The following TMEM266 variants were observed in gnomAD, a reference collection of about 807,000 sequenced individuals.
TMEM266 encodes the protein transmembrane protein 266, also known as Hv1 related protein 1.
A neutral mutation model predicts 50.5 loss-of-function variants in TMEM266; 33 were observed. That is an observed-to-expected ratio of 0.65 (90% CI 0.50 to 0.87). The LOEUF (loss-of-function observed/expected upper bound fraction) is 0.87. Ranked by LOEUF, TMEM266 falls within the 40% of genes least tolerant of loss-of-function variation. The pLI, the probability that TMEM266 is intolerant of heterozygous loss-of-function variation, is 0.00. For synonymous variants in TMEM266, 310 were observed against 292.3 expected (o/e 1.06, Z -0.62); for missense variants, 655 against 695.1 (o/e 0.94, Z 0.65).
intron 9 of TMEM266, among the ~76,000 whole-genome samples, chr15:76,193,286 TAATAG>T (rs573789454): frequency 3.8e-4 from 58 of 152,218 alleles, no homozygotes; most frequent in African/African-American, 1.3e-3. Flanking sequence ...AGTGGTATCA[TAATAG>T]TTCACTGCCA....
chr15:76,152,505 C>T (rs895983361), intron 3 of TMEM266, among the ~76,000 whole-genome samples: 2 of 152,152 alleles, frequency 1.3e-5, no homozygotes, highest in African/African-American at 4.8e-5. Flanking sequence ...GTGAGCTATA[C>T]CCCCTGCTGA....
At chr15:76,194,502 AGTTT>A (rs1445709645) in intron 9 of TMEM266, among the ~76,000 whole-genome samples, 1 of 152,186 alleles carries the variant, frequency 6.6e-6, no homozygotes, top group East Asian at 1.9e-4. Context: ...CTGGTGGATT[AGTTT>A]GCTAGGACTA....
At chr15:76,114,647 C>T (rs1378767523) in intron 1 of TMEM266, among the ~76,000 whole-genome samples, 3 of 152,130 alleles carry the variant, frequency 2.0e-5, no homozygotes, top group African/African-American at 7.2e-5. Context: ...GACATCTTTC[C>T]TTGCCAATAT....
chr15:76,157,268 G>A (rs778675822), intron 4 of TMEM266, among the ~76,000 whole-genome samples: 6 of 152,210 alleles, frequency 3.9e-5, no homozygotes, highest in African/African-American at 1.4e-4. Flanking sequence ...GCATTTTTCC[G>A]CACATTTGAC....
intron 7 of TMEM266, among the ~76,000 whole-genome samples, chr15:76,171,918 C>G (rs2038194439): frequency 6.6e-6 from 1 of 152,292 alleles, no homozygotes; most frequent in Middle Eastern, 3.4e-3. Context: ...GTGCAGGATA[C>G]TGGGGGTGGG....
At chr15:76,111,749 C>T (rs1355348517) in intron 1 of TMEM266, among the ~76,000 whole-genome samples, 1 of 152,206 alleles carries the variant, frequency 6.6e-6, no homozygotes, top group Non-Finnish European at 1.5e-5. Flanking sequence ...ATACTCTTAC[C>T]ATATGAGCTA....
At chr15:76,075,813 T>C (rs890028499) in intron 1 of TMEM266, among the ~76,000 whole-genome samples, 2 of 140,944 alleles carry the variant, frequency 1.4e-5, no homozygotes, top group African/African-American at 2.6e-5. Context: ...CACCAAATTC[T>C]GGAGGAGAAT....
intron 1 of TMEM266, among the ~76,000 whole-genome samples, chr15:76,087,025 A>C (rs1414140014): frequency 6.6e-6 from 1 of 151,980 alleles, no homozygotes. Context: ...TAGTTCTAGG[A>C]AGTCAGCATG....
chr15:76,171,620 C>G (rs2038190246), intron 7 of TMEM266, among the ~76,000 whole-genome samples: 2 of 152,222 alleles, frequency 1.3e-5, no homozygotes, highest in Non-Finnish European at 2.9e-5. Context: ...GCCCACAAGC[C>G]CATTGACCTG....
intron 1 of TMEM266, among the ~76,000 whole-genome samples, chr15:76,098,145 G>C (rs111236952): frequency 1.5e-3 from 231 of 152,170 alleles, no homozygotes; most frequent in African/African-American, 5.5e-3. Context: ...TTCCCTTGCT[G>C]ACAAGGAGCT....
At chr15:76,070,891 C>T (rs1023684874) in intron 1 of TMEM266, among the ~76,000 whole-genome samples, 3 of 152,176 alleles carry the variant, frequency 2.0e-5, no homozygotes, top group African/African-American at 7.2e-5. Flanking sequence ...AATACTTACC[C>T]TCCCACTATT....
chr15:76,074,920 G>A (rs142824895), intron 1 of TMEM266, among the ~76,000 whole-genome samples: 43 of 152,102 alleles, frequency 2.8e-4, no homozygotes, highest in African/African-American at 9.4e-4. Flanking sequence ...GATTGGTTGT[G>A]GGGTGGGAGA....
intron 8 of TMEM266, among the ~76,000 whole-genome samples, chr15:76,182,085 G>A (rs986754622): frequency 2.6e-5 from 4 of 152,198 alleles, no homozygotes; most frequent in African/African-American, 9.7e-5. Context: ...GGACCTGTGA[G>A]CCCCTTAGGA....
At chr15:76,158,337 C>T (rs1389003117) in intron 4 of TMEM266, among the ~76,000 whole-genome samples, 1 of 152,160 alleles carries the variant, frequency 6.6e-6, no homozygotes, top group Non-Finnish European at 1.5e-5. Flanking sequence ...CATAAAGTGA[C>T]CGGTACTGGT....
chr15:76,110,347 C>T (rs2037152103), intron 1 of TMEM266, among the ~76,000 whole-genome samples: 1 of 152,214 alleles, frequency 6.6e-6, no homozygotes. Context: ...ACCCATGGCC[C>T]ATGGGCCACA....
chr15:76,138,908 G>C (rs931354331), intron 3 of TMEM266, among the ~76,000 whole-genome samples: 1 of 152,172 alleles, frequency 6.6e-6, no homozygotes, highest in African/African-American at 2.4e-5. Flanking sequence ...CCAGTTTGAT[G>C]TCCTTGATTT....
At chr15:76,090,351 G>C (rs963768349) in intron 1 of TMEM266, among the ~76,000 whole-genome samples, 17 of 151,950 alleles carry the variant, frequency 1.1e-4, no homozygotes, top group African/African-American at 3.9e-4. Context: ...AATTAGCCAG[G>C]CATGGTGGTG....
intron 8 of TMEM266, among the ~76,000 whole-genome samples, chr15:76,189,315 T>C (rs1403772496): frequency 7.6e-6 from 1 of 131,022 alleles, no homozygotes; most frequent in African/African-American, 3.3e-5. Flanking sequence ...GACAATCTTG[T>C]CTCAAAAAAA....
chr15:76,105,945 A>G (rs556687419), intron 1 of TMEM266, among the ~76,000 whole-genome samples: 1 of 152,340 alleles, frequency 6.6e-6, no homozygotes, highest in South Asian at 2.1e-4. Context: ...TTCATATGGA[A>G]ACATGAGCCT....
Sources: gnomAD v4.1 joint callset for allele counts (sites outside exome capture counted in the v4.1 genomes callset) on GRCh38, gnomAD v4.1.1 for gene constraint, MANE v1.5 for transcripts, NCBI Gene and HGNC (gene_info 2026-07-23, HGNC 2026-07-21) for gene names.